TTLL1: variants seen among roughly 807,000 people sequenced by gnomAD.
TTLL1 encodes the protein TTL family tubulin polyglutamylase complex subunit L1.
Under a neutral mutation model 47.8 loss-of-function variants are expected in TTLL1, and 33 were observed. That is an observed-to-expected ratio of 0.69 (90% CI 0.52 to 0.92). TTLL1 has a LOEUF of 0.92. Ranked by LOEUF, TTLL1 falls within the 40% of genes least tolerant of loss-of-function variation. The pLI, the probability that TTLL1 is intolerant of heterozygous loss-of-function variation, is 0.00. For missense variants in TTLL1, 488 were observed against 547.5 expected, an observed-to-expected ratio of 0.89 and a Z score of 1.08; for synonymous variants, 225 against 214.1, an observed-to-expected ratio of 1.05 and a Z score of -0.45.
chr22:43,052,608 G>A (rs1926716565), intron 8 of TTLL1, among the ~76,000 whole-genome samples: 1 of 152,178 alleles, frequency 6.6e-6, no homozygotes, highest in East Asian at 1.9e-4. Flanking sequence ...GGGTGTGGTG[G>A]TATGTGCCAT....
At chr22:43,088,911 C>T (rs979861859) in intron 1 of TTLL1, among the ~76,000 whole-genome samples, 1 of 152,196 alleles carries the variant, frequency 6.6e-6, no homozygotes, top group Non-Finnish European at 1.5e-5. Flanking sequence ...GTCTCCTGCC[C>T]TGAGTTCTCT....
At chr22:43,076,312 C>CCCATCTCTACTAAAAATACAAAAATTA (rs1928482844) in intron 2 of TTLL1, among the ~76,000 whole-genome samples, 1 of 151,922 alleles carries the variant, frequency 6.6e-6, no homozygotes, top group Admixed American at 6.6e-5. Context: ...AAAAATTAGC[C>CCCATCTCTACTAAAAATACAAAAATTA]GGGTGTGGTT....
chr22:43,048,611 C>T (rs1926346514), intron 9 of TTLL1, among the ~76,000 whole-genome samples: 1 of 151,398 alleles, frequency 6.6e-6, no homozygotes, highest in South Asian at 2.1e-4. Flanking sequence ...TGCACTCCAG[C>T]CTGGAACACA....
chr22:43,081,368 G>T (rs2146992959), intron 1 of TTLL1, among the ~76,000 whole-genome samples: 2 of 152,150 alleles, frequency 1.3e-5, no homozygotes, highest in Middle Eastern at 6.8e-3. Context: ...AAACCCTCCA[G>T]GTGAGTCCCT....
intron 5 of TTLL1, among the ~76,000 whole-genome samples, chr22:43,066,253 C>T (rs75811214): frequency 2.0e-5 from 3 of 152,048 alleles, no homozygotes; most frequent in Admixed American, 6.6e-5. Flanking sequence ...AACACGCTCC[C>T]GGCCTCTCAC....
chr22:43,086,161 C>T (rs1302328379), intron 1 of TTLL1, among the ~76,000 whole-genome samples: 7 of 152,176 alleles, frequency 4.6e-5, no homozygotes, highest in African/African-American at 1.7e-4. Flanking sequence ...GTTAAGGGTA[C>T]TGAGTAACGT....
intron 2 of TTLL1, among the ~76,000 whole-genome samples, 184 bp downstream of exon 2, chr22:43,079,718 C>T (rs936248864): frequency 5.9e-5 from 9 of 152,198 alleles, no homozygotes; most frequent in African/African-American, 1.4e-4. Flanking sequence ...CAGGCCTCAA[C>T]GCTTTCAGGT....
At chr22:43,086,750 ATAATGTCCCCTC>A (rs1929253604) in intron 1 of TTLL1, among the ~76,000 whole-genome samples, 1 of 152,108 alleles carries the variant, frequency 6.6e-6, no homozygotes, top group African/African-American at 2.4e-5. Context: ...CTCCACTCCC[ATAATGTCCCCTC>A]TCTCCTGGGC....
At chr22:43,077,056 G>A (rs1006552139) in intron 2 of TTLL1, among the ~76,000 whole-genome samples, 29 of 151,956 alleles carry the variant, frequency 1.9e-4, no homozygotes, top group Non-Finnish European at 3.1e-4. Context: ...AGCGGAGATC[G>A]CACCACTGCA....
intron 3 of TTLL1, among the ~76,000 whole-genome samples, chr22:43,073,355 ATTTATTTATTTT>A (rs1569441654): frequency 7.5e-6 from 1 of 132,746 alleles, no homozygotes; most frequent in African/African-American, 3.4e-5. Flanking sequence ...TTATTTATTT[ATTTATTTATTTT>A]ATTTTTTGAG....
rs867796784 is a variant in TTLL1 at position 43,069,966 on chromosome 22, G to A, written c.114-122C>T. 2.6e-5 allele frequency: 38 copies of A among 1,439,728 alleles called. No homozygotes were observed. In the Middle Eastern group the frequency reaches 6.4e-4, roughly 24 times the overall value. 89.2% of individuals were successfully genotyped at this position (1,439,728 alleles called of 1,614,324 possible). On this transcript the variant is annotated intron_variant, in intron 3 of 10. Coordinates refer to ENST00000266254, the MANE Select transcript of TTLL1 (RefSeq NM_012263.5). ...CTTCACCACTACTCCCACATCCCCT[G>A]GCACCTGAGCCAGGGGTTGCCCGGC...
At chr22:43,056,554 T>C (rs946776438) in intron 8 of TTLL1, among the ~76,000 whole-genome samples, 11 of 143,998 alleles carry the variant, frequency 7.6e-5, no homozygotes, top group Non-Finnish European at 1.3e-4. Context: ...GAGGTCCAGG[T>C]GCGTGGATCA....
At chr22:43,055,530 C>T (rs1926941894) in intron 8 of TTLL1, among the ~76,000 whole-genome samples, 2 of 152,140 alleles carry the variant, frequency 1.3e-5, no homozygotes, top group South Asian at 4.1e-4. Flanking sequence ...CAGAGTCTCG[C>T]ATGTTGCCCA....
rs531688105 is a variant in TTLL1, at chr22:43,064,339, G to T, written c.504-15C>A. ...GAGACACAAACCTAAACATGGCAGA[G>T]AAAGTAAAAATTAGATGGTAAAAGA... On this transcript the variant is annotated splice_polypyrimidine_tract_variant and intron_variant, in intron 5 of 10. Transcript: ENST00000266254. The T allele has an allele frequency of 3.6e-5, 58 of 1,603,998 alleles. No homozygotes were observed. In the Admixed American group the frequency reaches 7.5e-4, roughly 21 times the overall value.
At chr22:43,070,490 T>C (rs1928047203) in intron 3 of TTLL1, among the ~76,000 whole-genome samples, 1 of 152,112 alleles carries the variant, frequency 6.6e-6, no homozygotes, top group East Asian at 1.9e-4. Context: ...ACATGGCAAG[T>C]GGCCCCAGCC....
chr22:43,083,771 G>C (rs1430394387), intron 1 of TTLL1, among the ~76,000 whole-genome samples: 3 of 152,074 alleles, frequency 2.0e-5, no homozygotes, highest in Non-Finnish European at 4.4e-5. Flanking sequence ...CCACTGGCAA[G>C]GGAATGAGCA....
In TTLL1 at chr22:43,063,913, A is replaced by T. The variant is rs374764307; in HGVS notation, c.647T>A (p.Leu216His). Residue 216 changes from leucine to histidine, a missense_variant, in exon 7 of 11, where the codon CTT becomes CAT. Physicochemically the swap from Leu to His is moderately conservative, Grantham distance 99. Transcript: ENST00000266254. ...YRPLRCYMYK[L>H]GFCRFCTVKY... Reference sequence around the variant, plus strand: ...CACTGTGCAGAACCGGCAAAACCCAAGCTTGTACCTAGGAGGGAATGTAGA... The same window carrying T: ...CACTGTGCAGAACCGGCAAAACCCATGCTTGTACCTAGGAGGGAATGTAGA... 5.6e-6 allele frequency: 9 copies of T among 1,614,004 alleles called. No individual in the cohort carries two copies. The highest frequency in any genetic ancestry group is 2.7e-5 in the African/African-American group (2 of 74,932).
intron 10 of TTLL1, among the ~76,000 whole-genome samples, chr22:43,044,227 T>C (rs1050881184): frequency 7.0e-6 from 1 of 142,958 alleles, no homozygotes; most frequent in African/African-American, 2.6e-5. Context: ...CAGCTGATCA[T>C]GGAGGGAGAG....
chr22:43,064,323 A>C lies in TTLL1; in HGVS notation c.505T>G (p.Phe169Val). Residue 169 changes from phenylalanine to valine, a missense_variant and splice_region_variant, in exon 6 of 11, where the codon TTT becomes GTT. By Grantham distance (50) the Phe-to-Val change is conservative. Transcript: ENST00000266254. The part of the protein sequence containing the change: ...KWSRDSKTSS[F>V]VSQSNKEAYV... ...GCTTCCTTATTAGATTGAGACACAAACCTAAACATGGCAGAGAAAGTAAAA... is the reference window on the plus strand; with the variant it reads ...GCTTCCTTATTAGATTGAGACACAACCCTAAACATGGCAGAGAAAGTAAAA... 6.2e-7 allele frequency: 1 copy of C among 1,608,540 alleles called. No homozygotes were observed. The highest frequency in any genetic ancestry group is 8.5e-7 in the Non-Finnish European group (1 of 1,178,436).
Sources: allele counts gnomAD v4.1 joint callset (sites outside exome capture counted in the v4.1 genomes callset), GRCh38; gene constraint gnomAD v4.1.1; transcripts MANE v1.5; gene names NCBI Gene and HGNC (gene_info 2026-07-23, HGNC 2026-07-21).